The following RB1 variants were observed in gnomAD, a reference collection of about 807,000 sequenced individuals.
The protein encoded by RB1 is retinoblastoma-associated protein.
In RB1, 18 loss-of-function variants were observed where a neutral mutation model predicts 135.4. The observed-to-expected ratio is 0.13, with a 90% CI of 0.09 to 0.20. The LOEUF (loss-of-function observed/expected upper bound fraction) is 0.20, where lower values mean the gene tolerates loss of function less well. RB1 is among the 10% of genes least tolerant of loss of function. The pLI is 1.00. For missense variants in RB1, 868 were observed against 1,110.0 expected (o/e 0.78, Z 3.10); for synonymous variants, 365 against 373.2 (o/e 0.98, Z 0.25).
intron 2 of RB1, among the ~76,000 whole-genome samples, chr13:48,308,469 A>G (rs1047031018): frequency 6.6e-6 from 1 of 152,170 alleles, no homozygotes; most frequent in Admixed American, 6.5e-5. Flanking sequence ...CCTGGCCAAC[A>G]TGGTGAAACC....
intron 8 of RB1, 27 bp downstream of exon 8, chr13:48,362,984 A>C (rs756607860): frequency 1.1e-4 from 176 of 1,604,168 alleles, no homozygotes; most frequent in Non-Finnish European, 1.4e-4. Context: ...ATTTCTTTAA[A>C]ACAGTTAAAG....
At chr13:48,377,320 A>G (rs916171298) in intron 13 of RB1, among the ~76,000 whole-genome samples, 10 of 152,164 alleles carry the variant, frequency 6.6e-5, no homozygotes, top group Non-Finnish European at 1.2e-4. Context: ...TAAATTTTTG[A>G]TTTTGCTTTG....
At position 48,380,033 on chromosome 13, in the gene RB1, T is replaced by A; in HGVS notation, c.1390-20T>A. 1 of 1,309,072 alleles carries A rather than the reference T, an allele frequency of 7.6e-7. No homozygotes were observed. The highest frequency in any genetic ancestry group is 1.0e-6 in the Non-Finnish European group (1 of 964,558). The allele number at this position is 1,309,072 out of a possible 1,614,324, so 81.1% of individuals were successfully genotyped here. A position where few individuals can be genotyped will look rare whatever the true frequency, so the allele number is the denominator to read the frequency against. On this transcript the variant is annotated intron_variant, in intron 14 of 26. Transcript: ENST00000267163. ...TCAATTAAACAACTTCTTTTTTTTT[T>A]TTTAAATTATCTGTTTCAGGAAGAA...
intron 2 of RB1, among the ~76,000 whole-genome samples, chr13:48,334,481 C>T (rs1203264140): frequency 1.3e-5 from 2 of 152,084 alleles, no homozygotes; most frequent in African/African-American, 2.4e-5. Context: ...TTAATGTAAC[C>T]CTACTGCTAA....
intron 17 of RB1, among the ~76,000 whole-genome samples, chr13:48,428,987 A>T (rs1949103767): frequency 6.6e-6 from 1 of 152,212 alleles, no homozygotes; most frequent in South Asian, 2.1e-4. Context: ...TGGAAGCTGC[A>T]TGCTTGTGGC....
At chr13:48,314,260 G>A (rs530326152) in intron 2 of RB1, among the ~76,000 whole-genome samples, 1 of 152,168 alleles carries the variant, frequency 6.6e-6, no homozygotes, top group Admixed American at 6.5e-5. Context: ...TTTTGATAGG[G>A]ATTATGTTGG....
intron 17 of RB1, chr13:48,412,100 G>A (rs1345680503): frequency 1.2e-6 from 2 of 1,613,112 alleles, no homozygotes; most frequent in African/African-American, 2.7e-5. Context: ...CACTAATACA[G>A]GTTAAGAACA....
At chr13:48,380,311 C>CG in intron 16 of RB1, 70 bp downstream of exon 16, 1 of 1,155,614 alleles carries the variant, frequency 8.7e-7, no homozygotes, top group Admixed American at 1.9e-5. Flanking sequence ...TTTCTTTGGT[C>CG]GGGGGAGAGG....
chr13:48,409,282 C>T (rs1263170559), intron 17 of RB1, among the ~76,000 whole-genome samples: 1 of 150,246 alleles, frequency 6.7e-6, no homozygotes, highest in Admixed American at 6.7e-5. Context: ...TTAGGTTTAT[C>T]TAAAGGAAAC....
At chr13:48,349,671 CATGA>C (rs1952529608) in intron 6 of RB1, among the ~76,000 whole-genome samples, 1 of 151,944 alleles carries the variant, frequency 6.6e-6, no homozygotes, top group African/African-American at 2.4e-5. Flanking sequence ...AACAAAATGA[CATGA>C]GTAAGTCCTT....
intron 1 of RB1, among the ~76,000 whole-genome samples, chr13:48,305,760 G>T (rs999072724): frequency 6.6e-6 from 1 of 152,110 alleles, no homozygotes; most frequent in Non-Finnish European, 1.5e-5. Flanking sequence ...AACCAGCAAG[G>T]GTAGAACCGC....
chr13:48,433,401 A>G (rs1259124565), intron 17 of RB1, among the ~76,000 whole-genome samples: 6 of 151,956 alleles, frequency 3.9e-5, no homozygotes, highest in Admixed American at 6.5e-5. Flanking sequence ...GATGTATACT[A>G]TTTGAAGAAG....
In RB1 at chr13:48,328,442, GCTT is replaced by G. The variant is rs536855570; in HGVS notation, c.265-14149_265-14147del. ...TTGCAGGCTTTGTTGGAGGTCTGCA[GCTT>G]CTTCTTCAGCTGATCGCTTCTCAGC... On this transcript the variant is annotated intron_variant, in intron 2 of 26. Coordinates refer to ENST00000267163, the MANE Select transcript of RB1 (RefSeq NM_000321.3). 1.5e-3 allele frequency: 1,685 copies of G among 1,087,300 alleles called. 8 individuals carry two copies. Among genetic ancestry groups the G allele is most frequent in the Non-Finnish European group, 1.8e-3 (1,240 of 701,324 alleles). 67.4% of individuals were successfully genotyped at this position (1,087,300 alleles called of 1,614,324 possible).
intron 1 of RB1, 26 bp downstream of exon 1, chr13:48,304,075 T>G (rs1195571921): frequency 3.6e-6 from 5 of 1,398,042 alleles, no homozygotes; most frequent in Non-Finnish European, 4.6e-6. Context: ...CGCCGTCGCC[T>G]CACGCGGGAA....
intron 1 of RB1, among the ~76,000 whole-genome samples, chr13:48,304,360 C>A (rs918878411): frequency 6.6e-6 from 1 of 152,060 alleles, no homozygotes; most frequent in African/African-American, 2.4e-5. Context: ...GAGCGTCCAT[C>A]AGACGCAAAA....
At chr13:48,336,522 T>G (rs1229777631) in intron 2 of RB1, among the ~76,000 whole-genome samples, 6 of 152,014 alleles carry the variant, frequency 3.9e-5, no homozygotes, top group Non-Finnish European at 7.4e-5. Context: ...CTGTGGGATC[T>G]GTGGTGATAT....
chr13:48,446,554 A>G (rs1949289146), intron 17 of RB1, among the ~76,000 whole-genome samples: 1 of 152,206 alleles, frequency 6.6e-6, no homozygotes, highest in Non-Finnish European at 1.5e-5. Flanking sequence ...CAGAGGTAGG[A>G]GTAGCAAATA....
chr13:48,326,397 T>G (rs1242982475), intron 2 of RB1, among the ~76,000 whole-genome samples: 5 of 152,106 alleles, frequency 3.3e-5, no homozygotes, highest in Admixed American at 3.3e-4. Flanking sequence ...ACAAATTTAT[T>G]GGTATTTTAT....
intron 17 of RB1, among the ~76,000 whole-genome samples, chr13:48,440,555 A>T (rs189065169): frequency 2.8e-4 from 42 of 152,302 alleles, no homozygotes; most frequent in Non-Finnish European, 4.6e-4. Context: ...TTGGCTTCAT[A>T]TATATAAAGA....
Sources: gnomAD v4.1 joint callset for allele counts (sites outside exome capture counted in the v4.1 genomes callset) on GRCh38, gnomAD v4.1.1 for gene constraint, MANE v1.5 for transcripts, NCBI Gene and HGNC (gene_info 2026-07-23, HGNC 2026-07-21) for gene names.